The following FBXL17 variants were observed in gnomAD, a reference collection of about 807,000 sequenced individuals.
FBXL17 encodes F-box and leucine rich repeat protein 17.
FBXL17 carries 22 observed loss-of-function variants against 66.2 expected under a neutral mutation model. The ratio of observed to expected loss-of-function variants is 0.33; its 90% confidence interval spans 0.24 to 0.47. The LOEUF is 0.47. Among genes scored for constraint, FBXL17 ranks in the 20% least tolerant of loss-of-function variants. FBXL17 has a pLI of 1.00. For synonymous variants in FBXL17, 474 were observed against 400.5 expected (o/e 1.18, Z -2.19); for missense variants, 878 against 948.2 (o/e 0.93, Z 0.97).
chr5:107,882,237 C>A (rs10039402), intron 7 of FBXL17, among the ~76,000 whole-genome samples: 2 of 152,042 alleles, frequency 1.3e-5, no homozygotes, highest in African/African-American at 4.8e-5. Flanking sequence ...TGATAGTTCC[C>A]AAAATGTGTT....
chr5:107,947,821 T>C (rs1290551053), intron 7 of FBXL17, among the ~76,000 whole-genome samples: 2 of 152,154 alleles, frequency 1.3e-5, no homozygotes, highest in African/African-American at 4.8e-5. Context: ...GTAAGGTTCC[T>C]TTACAGAGCT....
chr5:108,355,260 CTTTATTTATTTATTTA>C (rs144119979), intron 3 of FBXL17, among the ~76,000 whole-genome samples: 3,843 of 141,468 alleles, frequency 0.027, 162 homozygotes, highest in African/African-American at 0.092. Flanking sequence ...GGATGAAAAA[CTTTATTTATTTATTTA>C]TTTATTTATT....
At chr5:107,991,488 A>C (rs1436531286) in intron 7 of FBXL17, among the ~76,000 whole-genome samples, 1 of 152,194 alleles carries the variant, frequency 6.6e-6, no homozygotes, top group Non-Finnish European at 1.5e-5. Flanking sequence ...GGATTTCTCT[A>C]CTGCTTTCAC....
intron 6 of FBXL17, among the ~76,000 whole-genome samples, chr5:108,185,130 G>A (rs1426774728): frequency 6.6e-6 from 1 of 152,040 alleles, no homozygotes; most frequent in Middle Eastern, 3.2e-3. Flanking sequence ...ATTCTATACT[G>A]TATATTAAGC....
intron 7 of FBXL17, among the ~76,000 whole-genome samples, chr5:107,931,450 G>A (rs915004821): frequency 2.3e-4 from 35 of 151,764 alleles, no homozygotes; most frequent in South Asian, 2.1e-4. Context: ...TTATAGAGAC[G>A]GAGTTTTCCC....
At chr5:108,050,279 A>C (rs143967902) in intron 6 of FBXL17, among the ~76,000 whole-genome samples, 3 of 152,338 alleles carry the variant, frequency 2.0e-5, no homozygotes, top group Non-Finnish European at 4.4e-5. Context: ...TTAGTGCCAC[A>C]TGGCACTTAT....
chr5:108,147,654 G>A (rs1285987608), intron 6 of FBXL17, among the ~76,000 whole-genome samples: 1 of 152,256 alleles, frequency 6.6e-6, no homozygotes, highest in Non-Finnish European at 1.5e-5. Flanking sequence ...CAGAGATACT[G>A]GCTAAGAATG....
At chr5:108,283,312 G>A (rs1757772212) in intron 4 of FBXL17, among the ~76,000 whole-genome samples, 1 of 151,802 alleles carries the variant, frequency 6.6e-6, no homozygotes, top group South Asian at 2.1e-4. Flanking sequence ...ACAAATTACA[G>A]TAACCAAAAC....
chr5:108,207,949 T>C (rs1488935844), intron 5 of FBXL17, among the ~76,000 whole-genome samples: 1 of 152,204 alleles, frequency 6.6e-6, no homozygotes, highest in African/African-American at 2.4e-5. Context: ...TAAGTGTCCC[T>C]ATTTCTCCAC....
At chr5:107,971,676 C>G (rs1037475351) in intron 7 of FBXL17, among the ~76,000 whole-genome samples, 1 of 152,126 alleles carries the variant, frequency 6.6e-6, no homozygotes, top group Non-Finnish European at 1.5e-5. Context: ...GGGCAGAGGA[C>G]AGAATCACTA....
intron 7 of FBXL17, among the ~76,000 whole-genome samples, chr5:107,904,630 T>C (rs1279022248): frequency 6.6e-6 from 1 of 152,146 alleles, no homozygotes; most frequent in East Asian, 1.9e-4. Context: ...AAACACTAGA[T>C]AACTCAGGTT....
intron 7 of FBXL17, 62 bp downstream of exon 7, chr5:108,020,863 C>T (rs1162215616): frequency 3.3e-6 from 4 of 1,197,592 alleles, no homozygotes; most frequent in Non-Finnish European, 5.0e-6. Context: ...TTTTTAAGAA[C>T]TTTCAATGAT....
chr5:107,951,471 C>A (rs1466855376), intron 7 of FBXL17, among the ~76,000 whole-genome samples: 1 of 152,206 alleles, frequency 6.6e-6, no homozygotes, highest in Non-Finnish European at 1.5e-5. Flanking sequence ...CTGGGGGAAG[C>A]ACATACTCTG....
chr5:107,928,701 A>C (rs762092788), intron 7 of FBXL17, among the ~76,000 whole-genome samples: 2 of 152,078 alleles, frequency 1.3e-5, no homozygotes, highest in Non-Finnish European at 2.9e-5. Flanking sequence ...AGGATTATCT[A>C]CTATATTATT....
intron 6 of FBXL17, among the ~76,000 whole-genome samples, chr5:108,155,767 G>C (rs1751971684): frequency 6.6e-6 from 1 of 152,034 alleles, no homozygotes; most frequent in Non-Finnish European, 1.5e-5. Flanking sequence ...ATTAGTCCTA[G>C]AATAAATTAT....
chr5:107,880,291 C>G, intron 8 of FBXL17: 1 of 822,092 alleles, frequency 1.2e-6, no homozygotes, highest in Non-Finnish European at 1.5e-6. Context: ...GTTGTCCAGG[C>G]TGGTCTCAAA....
intron 6 of FBXL17, among the ~76,000 whole-genome samples, chr5:108,134,702 A>C (rs1007083427): frequency 3.3e-5 from 5 of 152,180 alleles, no homozygotes; most frequent in African/African-American, 1.2e-4. Context: ...TTTGAAAACC[A>C]TATGTATGTG....
intron 5 of FBXL17, among the ~76,000 whole-genome samples, chr5:108,220,481 T>G (rs538691651): frequency 6.6e-6 from 1 of 152,228 alleles, no homozygotes; most frequent in African/African-American, 2.4e-5. Context: ...TAAAAACCAT[T>G]GTTTCCTATA....
intron 6 of FBXL17, among the ~76,000 whole-genome samples, chr5:108,131,286 T>G (rs1043661587): frequency 5.3e-5 from 8 of 152,164 alleles, no homozygotes; most frequent in African/African-American, 1.9e-4. Context: ...TATAAATAAA[T>G]CTGTGACTGT....
Sources: gnomAD v4.1 joint callset for allele counts (sites outside exome capture counted in the v4.1 genomes callset) on GRCh38, gnomAD v4.1.1 for gene constraint, MANE v1.5 for transcripts, NCBI Gene and HGNC (gene_info 2026-07-23, HGNC 2026-07-21) for gene names.